The following CSGALNACT1 variants were observed in gnomAD, a reference collection of about 807,000 sequenced individuals.
CSGALNACT1 encodes the protein chondroitin sulfate N-acetylgalactosaminyltransferase 1.
CSGALNACT1 carries 52 observed loss-of-function variants against 51.0 expected under a neutral mutation model. The ratio of observed to expected loss-of-function variants is 1.02; its 90% confidence interval spans 0.82 to 1.29. The LOEUF (loss-of-function observed/expected upper bound fraction) is 1.29, where lower values mean the gene tolerates loss of function less well. Ranked by LOEUF, CSGALNACT1 falls within the 50% of genes most tolerant of loss-of-function variation. CSGALNACT1 has a pLI of 0.00. For missense variants in CSGALNACT1, 935 were observed against 679.2 expected (o/e 1.38, Z -4.19); for synonymous variants, 341 against 254.4 (o/e 1.34, Z -3.24).
chr8:19,502,006 T>C (rs531196725), intron 4 of CSGALNACT1, among the ~76,000 whole-genome samples: 2 of 152,336 alleles, frequency 1.3e-5, no homozygotes, highest in South Asian at 2.1e-4. Context: ...ACTTCCTCTG[T>C]GTTTTGAGGA....
At chr8:19,534,533 C>T (rs540130834) in intron 3 of CSGALNACT1, among the ~76,000 whole-genome samples, 2 of 152,080 alleles carry the variant, frequency 1.3e-5, no homozygotes, top group Non-Finnish European at 2.9e-5. Context: ...GGCTGCATTG[C>T]TGTAGATGGT....
At chr8:19,634,597 G>A (rs900282188) in intron 1 of CSGALNACT1, among the ~76,000 whole-genome samples, 7 of 152,192 alleles carry the variant, frequency 4.6e-5, no homozygotes, top group African/African-American at 1.7e-4. Context: ...AGGAGGTCTA[G>A]GCTGCAGTGA....
chr8:19,514,502 T>TATAC (rs2079113115), intron 3 of CSGALNACT1, among the ~76,000 whole-genome samples: 1 of 137,850 alleles, frequency 7.3e-6, no homozygotes, highest in Non-Finnish European at 1.5e-5. Context: ...TATATATATA[T>TATAC]ATATATATAC....
intron 1 of CSGALNACT1, among the ~76,000 whole-genome samples, chr8:19,618,543 G>C (rs1025438284): frequency 3.4e-5 from 5 of 146,760 alleles, no homozygotes; most frequent in Non-Finnish European, 7.5e-5. Flanking sequence ...AGAAGAGTGA[G>C]GCAGGAGAAT....
At chr8:19,697,484 C>T (rs12114790) in intron 1 of CSGALNACT1, among the ~76,000 whole-genome samples, 64,734 of 152,020 alleles carry the variant, frequency 0.43, 14,157 homozygotes, top group East Asian at 0.65. Context: ...AGTCTGGCCA[C>T]TACCCTTGTA....
chr8:19,415,873 G>A (rs1002678441), intron 8 of CSGALNACT1, among the ~76,000 whole-genome samples: 5 of 152,144 alleles, frequency 3.3e-5, no homozygotes, highest in Admixed American at 6.5e-5. Context: ...TGTCAATGAG[G>A]GTGATACGTG....
intron 3 of CSGALNACT1, among the ~76,000 whole-genome samples, chr8:19,564,518 T>C (rs1479256561): frequency 1.3e-5 from 2 of 152,036 alleles, no homozygotes; most frequent in Non-Finnish European, 2.9e-5. Context: ...CCACCACAGG[T>C]TCCTCAGCCA....
intron 3 of CSGALNACT1, among the ~76,000 whole-genome samples, chr8:19,513,436 C>CTCTATATATATATATATATATATATATA: frequency 2.4e-5 from 2 of 81,970 alleles, no homozygotes; most frequent in Non-Finnish European, 5.1e-5. Flanking sequence ...CTCTCTCTCT[C>CTCTATATATATATATATATATATATATA]TATATATATA....
At chr8:19,594,692 C>T (rs1200475172) in intron 2 of CSGALNACT1, among the ~76,000 whole-genome samples, 5 of 151,870 alleles carry the variant, frequency 3.3e-5, no homozygotes, top group East Asian at 1.9e-4. Context: ...TACAGGTACA[C>T]GCCACCAGGC....
chr8:19,541,465 G>A (rs1049461049), intron 3 of CSGALNACT1, among the ~76,000 whole-genome samples: 4 of 150,284 alleles, frequency 2.7e-5, no homozygotes, highest in Non-Finnish European at 5.9e-5. Flanking sequence ...TGTTAGCCAG[G>A]ATGGTCTCGA....
chr8:19,665,733 T>C (rs2059127502), intron 1 of CSGALNACT1, among the ~76,000 whole-genome samples: 1 of 152,208 alleles, frequency 6.6e-6, no homozygotes, highest in African/African-American at 2.4e-5. Context: ...ACAAAGGACG[T>C]CAATTTTCCC....
intron 1 of CSGALNACT1, among the ~76,000 whole-genome samples, chr8:19,731,511 A>C (rs543569688): frequency 6.6e-6 from 1 of 152,260 alleles, no homozygotes; most frequent in Non-Finnish European, 1.5e-5. Flanking sequence ...ATCTCAAATA[A>C]ATAAATAAAT....
chr8:19,623,462 T>C (rs1176363164), intron 1 of CSGALNACT1, among the ~76,000 whole-genome samples: 1 of 152,194 alleles, frequency 6.6e-6, no homozygotes, highest in East Asian at 1.9e-4. Flanking sequence ...GCATAAAATA[T>C]CCTGTCACAT....
At chr8:19,738,635 T>C (rs1374674878) in intron 1 of CSGALNACT1, among the ~76,000 whole-genome samples, 1 of 152,194 alleles carries the variant, frequency 6.6e-6, no homozygotes, top group Admixed American at 6.5e-5. Context: ...ATGAATTTTA[T>C]ACTATGTATA....
chr8:19,554,494 T>C (rs1366146845), intron 3 of CSGALNACT1, among the ~76,000 whole-genome samples: 1 of 56,782 alleles, frequency 1.8e-5, no homozygotes, highest in African/African-American at 1.3e-4. Context: ...AATATACTAT[T>C]AAGTTACTTA....
chr8:19,420,323 A>G lies in CSGALNACT1; in HGVS notation c.1132+17T>C, dbSNP rs2057712612. On this transcript the variant is annotated intron_variant, in intron 7 of 9. Transcript: ENST00000454498. ...GGGCTGGGGGCCACCTGAGCGTGAC[A>G]GAGAGATGATCCATACCTGGCTGTG... 2 of 1,613,630 alleles carry G rather than the reference A, an allele frequency of 1.2e-6. No homozygotes were observed. Among genetic ancestry groups the G allele is most frequent in the Admixed American group, 1.7e-5 (1 of 59,996 alleles).
chr8:19,577,571 A>AT (rs1039052979), intron 3 of CSGALNACT1, among the ~76,000 whole-genome samples: 2 of 150,842 alleles, frequency 1.3e-5, no homozygotes, highest in African/African-American at 5.0e-5. Flanking sequence ...AAAAAAAAAA[A>AT]ATTAAAAATA....
chr8:19,467,629 T>A (rs1394363659), intron 4 of CSGALNACT1, among the ~76,000 whole-genome samples: 1 of 152,090 alleles, frequency 6.6e-6, no homozygotes, highest in Non-Finnish European at 1.5e-5. Context: ...CTGGTTAGTT[T>A]TTTTTTTTAT....
chr8:19,713,550 G>T (rs557677646), intron 1 of CSGALNACT1, among the ~76,000 whole-genome samples: 1 of 152,238 alleles, frequency 6.6e-6, no homozygotes, highest in African/African-American at 2.4e-5. Context: ...GGAGCAAGTG[G>T]GCCCCTGGAT....
Sources: gnomAD v4.1 joint callset for allele counts (sites outside exome capture counted in the v4.1 genomes callset) on GRCh38, gnomAD v4.1.1 for gene constraint, MANE v1.5 for transcripts, NCBI Gene and HGNC (gene_info 2026-07-23, HGNC 2026-07-21) for gene names.